The following HNRNPLL variants were observed in gnomAD, a reference collection of about 807,000 sequenced individuals.
HNRNPLL encodes heterogeneous nuclear ribonucleoprotein L like, also known as heterogeneous nuclear ribonucleoprotein L-like.
Under a neutral mutation model 67.1 loss-of-function variants are expected in HNRNPLL, and 25 were observed. The ratio of observed to expected loss-of-function variants is 0.37; its 90% CI spans 0.27 to 0.52. The LOEUF is 0.52. Among genes scored for constraint, HNRNPLL ranks in the 20% least tolerant of loss-of-function variants. The pLI, the probability that HNRNPLL is intolerant of heterozygous loss-of-function variation, is 0.90. For missense variants in HNRNPLL, 542 were observed against 673.9 expected (o/e 0.80, Z 2.17); for synonymous variants, 267 against 241.7 (o/e 1.10, Z -0.97).
At chr2:38,595,504 A>G (rs1667143948) in intron 1 of HNRNPLL, among the ~76,000 whole-genome samples, 1 of 152,064 alleles carries the variant, frequency 6.6e-6, no homozygotes, top group Non-Finnish European at 1.5e-5. Context: ...TTATTTAATT[A>G]TATTTCCTAA....
At chr2:38,586,505 T>C (rs928410439) in intron 2 of HNRNPLL, among the ~76,000 whole-genome samples, 20 of 152,296 alleles carry the variant, frequency 1.3e-4, no homozygotes, top group African/African-American at 3.1e-4. Flanking sequence ...TTCAAAGACA[T>C]AGAAACCAAC....
At chr2:38,577,944 A>G (rs142673512) in intron 6 of HNRNPLL, 61 of 471,730 alleles carry the variant, frequency 1.3e-4, no homozygotes, top group African/African-American at 1.2e-3. Flanking sequence ...TAGCTTCAAC[A>G]GCAACACATT....
chr2:38,564,979 T>G, intron 12 of HNRNPLL, among the ~76,000 whole-genome samples: 1 of 148,908 alleles, frequency 6.7e-6, no homozygotes, highest in Non-Finnish European at 1.5e-5. Flanking sequence ...ATGGGGTACA[T>G]AAGTTTTGAA....
intron 2 of HNRNPLL, 128 bp from the exon 3 acceptor site, chr2:38,586,009 G>T: frequency 1.5e-6 from 1 of 680,570 alleles, no homozygotes; most frequent in Non-Finnish European, 2.6e-6. Flanking sequence ...CACTACCTGT[G>T]TCCAACGTAA....
chr2:38,562,023 C>T lies in HNRNPLL; in HGVS notation c.*2159G>A, dbSNP rs1159524992. The stretch of plus-strand genomic sequence containing the variant: ...TCAAATGTGTAGTAGGATTTGGATA[C>T]AGAGATGGGATTTCAATATTTTTTT... On this transcript the variant is annotated 3_prime_UTR_variant, in exon 13 of 13. Transcript: ENST00000449105. 1 of 152,134 alleles carries T rather than the reference C, an allele frequency of 6.6e-6. No homozygotes were observed. The highest frequency in any genetic ancestry group is 2.4e-5 in the African/African-American group (1 of 41,440). 9.4% of individuals were successfully genotyped at this position (152,134 alleles called of 1,614,324 possible). A position where few individuals can be genotyped will look rare whatever the true frequency, so the allele number is the denominator to read the frequency against.
intron 8 of HNRNPLL, among the ~76,000 whole-genome samples, chr2:38,570,550 G>A (rs1198439651): frequency 6.6e-6 from 1 of 152,214 alleles, no homozygotes; most frequent in African/African-American, 2.4e-5. Context: ...TTTCAGGACA[G>A]TTTGGGCAGA....
intron 12 of HNRNPLL, chr2:38,566,036 A>G (rs1311396213): frequency 1.0e-6 from 1 of 987,752 alleles, no homozygotes. Flanking sequence ...TTATTTAAAT[A>G]CCCTGGAGAT....
chr2:38,591,565 G>T lies in HNRNPLL; in HGVS notation c.273C>A (p.Asp91Glu). ...CAAATTTTTCCAGCGCTTCCACGAG[G>T]TCTGCTTCCACCACAGATTCACAGA... ...RGLCESVVEA[D>E]LVEALEKFGT... Residue 91 changes from aspartate (D) to glutamate (E), a missense_variant, in exon 2 of 13, where the codon GAC becomes GAA. By Grantham distance (45) the Asp-to-Glu change is conservative. Coordinates refer to ENST00000449105, the MANE Select transcript of HNRNPLL (RefSeq NM_138394.4). 1.9e-6 allele frequency: 3 copies of T among 1,613,340 alleles called. No individual in the cohort carries two copies. The highest frequency in any genetic ancestry group is 2.5e-6 in the Non-Finnish European group (3 of 1,179,340).
At position 38,602,782 on chromosome 2, in the gene HNRNPLL, G is replaced by C; in HGVS notation, c.-156C>G. On this transcript the variant is annotated 5_prime_UTR_variant, in exon 1 of 13. Coordinates refer to ENST00000449105, the MANE Select transcript of HNRNPLL (RefSeq NM_138394.4). Reference sequence around the variant, plus strand: ...CGGGGACTGCGCGGCCAGGAGACTGGCGGCTGAGAAGCGCGGACGGACTGA... The same window carrying C: ...CGGGGACTGCGCGGCCAGGAGACTGCCGGCTGAGAAGCGCGGACGGACTGA... 6.5e-7 allele frequency: 1 copy of C among 1,530,552 alleles called. No individual in the cohort carries two copies. Among genetic ancestry groups the C allele is most frequent in the Non-Finnish European group, 8.8e-7 (1 of 1,138,446 alleles). 94.8% of individuals were successfully genotyped at this position (1,530,552 alleles called of 1,614,324 possible).
At chr2:38,594,336 C>T (rs1488676481) in intron 1 of HNRNPLL, among the ~76,000 whole-genome samples, 3 of 152,128 alleles carry the variant, frequency 2.0e-5, no homozygotes, top group Non-Finnish European at 4.4e-5. Flanking sequence ...TTAATTATCA[C>T]TGTCTTTAGT....
chr2:38,586,285 T>G (rs1666729484), intron 2 of HNRNPLL, among the ~76,000 whole-genome samples: 1 of 152,144 alleles, frequency 6.6e-6, no homozygotes, highest in African/African-American at 2.4e-5. Context: ...CCTCCCAAAG[T>G]GCTGGGATTA....
intron 6 of HNRNPLL, chr2:38,577,878 T>C: frequency 2.1e-6 from 1 of 477,440 alleles, no homozygotes; most frequent in South Asian, 1.6e-5. Context: ...AATACATGTC[T>C]TTAAAACAAG....
chr2:38,565,723 G>A (rs1424163038), intron 12 of HNRNPLL, among the ~76,000 whole-genome samples: 3 of 68,662 alleles, frequency 4.4e-5, no homozygotes, highest in Non-Finnish European at 7.2e-5. Flanking sequence ...GCAAGACCCT[G>A]TCTCAAAAAA....
intron 8 of HNRNPLL, among the ~76,000 whole-genome samples, chr2:38,572,980 T>C (rs973275867): frequency 6.6e-6 from 1 of 152,056 alleles, no homozygotes; most frequent in South Asian, 2.1e-4. Flanking sequence ...TTTAGACTTC[T>C]TTTTATATTG....
chr2:38,566,155 T>G, intron 12 of HNRNPLL: 1 of 889,614 alleles, frequency 1.1e-6, no homozygotes, highest in Non-Finnish European at 1.4e-6. Flanking sequence ...GATCATGAGG[T>G]CCAGGAGTTC....
At chr2:38,566,011 A>G in intron 12 of HNRNPLL, 1 of 983,238 alleles carries the variant, frequency 1.0e-6, no homozygotes, top group Non-Finnish European at 1.2e-6. Context: ...CACCACACCC[A>G]ATAATGTTCC....
intron 10 of HNRNPLL, among the ~76,000 whole-genome samples, chr2:38,568,768 T>C (rs1004921900): frequency 1.3e-5 from 2 of 152,146 alleles, no homozygotes; most frequent in Non-Finnish European, 2.9e-5. Flanking sequence ...ATCTGAAGCA[T>C]TTCTTACAGT....
intron 8 of HNRNPLL, among the ~76,000 whole-genome samples, chr2:38,571,570 G>C (rs751579708): frequency 1.3e-5 from 2 of 152,096 alleles, no homozygotes; most frequent in Non-Finnish European, 2.9e-5. Flanking sequence ...GTCGTAACAG[G>C]ATTTTTCAGC....
chr2:38,569,384 G>A, intron 9 of HNRNPLL, 50 bp from the exon 10 acceptor site: 5 of 1,306,992 alleles, frequency 3.8e-6, no homozygotes, highest in Non-Finnish European at 5.5e-6. Flanking sequence ...TAGATAAAAA[G>A]CAGCAAGTAG....
Sources: gnomAD v4.1 joint callset for allele counts (sites outside exome capture counted in the v4.1 genomes callset) on GRCh38, gnomAD v4.1.1 for gene constraint, MANE v1.5 for transcripts, NCBI Gene and HGNC (gene_info 2026-07-23, HGNC 2026-07-21) for gene names.